Variants in SEMA6D observed in about 807,000 individuals in gnomAD.
SEMA6D encodes the protein semaphorin-6D.
Under a neutral mutation model 106.6 loss-of-function variants are expected in SEMA6D, and 35 were observed. The observed-to-expected ratio is 0.33, with a 90% CI of 0.25 to 0.44. The LOEUF (loss-of-function observed/expected upper bound fraction) is 0.44. Ranked by LOEUF, SEMA6D falls within the 20% of genes least tolerant of loss-of-function variation. SEMA6D has a pLI of 1.00. For missense variants in SEMA6D, 1,185 were observed against 1,345.9 expected, an observed-to-expected ratio of 0.88 and a Z score of 1.87; for synonymous variants, 499 against 487.7, an observed-to-expected ratio of 1.02 and a Z score of -0.31.
Position 47,264,435 on chromosome 15 carries a change from A to T in SEMA6D, c.-239+80017A>T, listed in dbSNP as rs2034220859. Among the ~76,000 whole-genome samples the T allele has an allele frequency of 2.0e-5, 3 of 151,816 alleles. No individual in the cohort carries two copies. In the South Asian group the frequency reaches 6.2e-4, roughly 32 times the overall value. On this transcript the variant is annotated intron_variant, in intron 1 of 19. Transcript: ENST00000558014. ...CTTGGTAATTGAATTGCTGGGTTAT[A>T]TGCTAACTTCATGTTTAATCATTGC...
intron 3 of SEMA6D, among the ~76,000 whole-genome samples, chr15:47,533,161 G>A (rs1488150684): frequency 1.3e-5 from 2 of 152,174 alleles, no homozygotes; most frequent in African/African-American, 2.4e-5. Flanking sequence ...GAGATAATGT[G>A]TTTATTTTTC....
chr15:47,548,794 A>G (rs974576198), intron 3 of SEMA6D, among the ~76,000 whole-genome samples: 1 of 152,186 alleles, frequency 6.6e-6, no homozygotes, highest in Non-Finnish European at 1.5e-5. Context: ...ACATATGTGT[A>G]TAATGTTCTG....
chr15:47,723,850 T>C (rs139239557), intron 1 of SEMA6D, among the ~76,000 whole-genome samples: 1 of 152,350 alleles, frequency 6.6e-6, no homozygotes, highest in Non-Finnish European at 1.5e-5. Flanking sequence ...TGTTGGTACA[T>C]ATATAATAAG....
At chr15:47,357,422 C>A (rs1462828353) in intron 1 of SEMA6D, among the ~76,000 whole-genome samples, 2 of 152,098 alleles carry the variant, frequency 1.3e-5, no homozygotes, top group African/African-American at 4.8e-5. Flanking sequence ...CAAAAGAGAG[C>A]CACCCAGTAA....
chr15:47,239,611 C>T (rs1382072283), intron 1 of SEMA6D, among the ~76,000 whole-genome samples: 1 of 152,110 alleles, frequency 6.6e-6, no homozygotes, highest in Non-Finnish European at 1.5e-5. Context: ...AGGTTCAAAT[C>T]CTTCTGTGTC....
chr15:47,298,308 A>G (rs774041861), intron 1 of SEMA6D, among the ~76,000 whole-genome samples: 12 of 151,976 alleles, frequency 7.9e-5, no homozygotes, highest in Non-Finnish European at 1.6e-4. Flanking sequence ...GCTCAGCTCA[A>G]TATAGACAAA....
intron 1 of SEMA6D, among the ~76,000 whole-genome samples, chr15:47,270,722 G>C (rs755300800): frequency 6.6e-6 from 1 of 152,008 alleles, no homozygotes; most frequent in African/African-American, 2.4e-5. Flanking sequence ...GGCCGAACGC[G>C]GTGGTTCACA....
At chr15:47,205,156 G>T (rs1214541471) in intron 1 of SEMA6D, among the ~76,000 whole-genome samples, 1 of 152,058 alleles carries the variant, frequency 6.6e-6, no homozygotes, top group African/African-American at 2.4e-5. Context: ...CTAATTTGTG[G>T]CCTGGATTAC....
chr15:47,223,921 G>A (rs2031429941), intron 1 of SEMA6D, among the ~76,000 whole-genome samples: 1 of 152,014 alleles, frequency 6.6e-6, no homozygotes, highest in Non-Finnish European at 1.5e-5. Flanking sequence ...AATAACTACA[G>A]ATTGTTTTTT....
chr15:47,481,648 C>G (rs2043155930), intron 3 of SEMA6D, among the ~76,000 whole-genome samples: 1 of 152,130 alleles, frequency 6.6e-6, no homozygotes, highest in African/African-American at 2.4e-5. Flanking sequence ...CCATTGAGCT[C>G]TATTACTGAG....
chr15:47,625,603 C>T (rs990967342), intron 4 of SEMA6D, among the ~76,000 whole-genome samples: 16 of 151,962 alleles, frequency 1.1e-4, no homozygotes, highest in African/African-American at 3.9e-4. Context: ...GGCATGGTGG[C>T]GTGTACCTGT....
intron 1 of SEMA6D, among the ~76,000 whole-genome samples, chr15:47,389,311 GA>G (rs2039950806): frequency 6.6e-6 from 1 of 152,070 alleles, no homozygotes; most frequent in African/African-American, 2.4e-5. Flanking sequence ...CTATTATTAG[GA>G]GCCACCTTAA....
intron 1 of SEMA6D, among the ~76,000 whole-genome samples, chr15:47,380,785 A>T (rs2039613491): frequency 6.6e-6 from 1 of 152,226 alleles, no homozygotes. Flanking sequence ...AAGTCAGTTA[A>T]GTAAAGATCA....
intron 4 of SEMA6D, among the ~76,000 whole-genome samples, chr15:47,618,321 TAGGCAAGCCACCCTCTGACCG>T (rs1325530892): frequency 6.6e-6 from 1 of 152,224 alleles, no homozygotes; most frequent in Non-Finnish European, 1.5e-5. Context: ...TTGCCTGACC[TAGGCAAGCCACCCTCTGACCG>T]AGGCTCTAAA....
At chr15:47,620,707 T>TAC (rs1247019067) in intron 4 of SEMA6D, among the ~76,000 whole-genome samples, 3 of 124,484 alleles carry the variant, frequency 2.4e-5, no homozygotes, top group South Asian at 2.9e-4. Context: ...TATATATATA[T>TAC]ATACACACAT....
At chr15:47,453,677 ATG>A (rs1392134487) in intron 2 of SEMA6D, among the ~76,000 whole-genome samples, 3 of 151,952 alleles carry the variant, frequency 2.0e-5, no homozygotes, top group Non-Finnish European at 4.4e-5. Flanking sequence ...GCAGAATCAA[ATG>A]TCACTGGTTT....
chr15:47,715,366 A>G (rs1407851198), upstream of SEMA6D, among the ~76,000 whole-genome samples: 6 of 152,230 alleles, frequency 3.9e-5, no homozygotes, highest in African/African-American at 1.4e-4. Flanking sequence ...AAGAGTTAGC[A>G]GTTTTCCTTA....
chr15:47,238,654 G>C (rs542120425), intron 1 of SEMA6D, among the ~76,000 whole-genome samples: 1 of 151,912 alleles, frequency 6.6e-6, no homozygotes, highest in East Asian at 1.9e-4. Flanking sequence ...GTTAAAGGAC[G>C]TTTAGACAAA....
At chr15:47,755,382 G>A (rs1439586377) in intron 1 of SEMA6D, among the ~76,000 whole-genome samples, 1 of 152,180 alleles carries the variant, frequency 6.6e-6, no homozygotes, top group Non-Finnish European at 1.5e-5. Flanking sequence ...TAATATCTGG[G>A]TTACCTGTGG....
Sources: allele counts gnomAD v4.1 joint callset (sites outside exome capture counted in the v4.1 genomes callset), GRCh38; gene constraint gnomAD v4.1.1; transcripts MANE v1.5; gene names NCBI Gene and HGNC (gene_info 2026-07-23, HGNC 2026-07-21).